FGF12: variants seen among roughly 807,000 people sequenced by gnomAD.
FGF12 encodes fibroblast growth factor 12B.
FGF12 carries 14 observed loss-of-function variants against 23.6 expected under a neutral mutation model. That is an observed-to-expected ratio of 0.59 (90% confidence interval 0.39 to 0.93). The LOEUF (loss-of-function observed/expected upper bound fraction) is 0.93, where lower values mean the gene tolerates loss of function less well. FGF12 is among the 40% of genes least tolerant of loss of function. FGF12 has a pLI of 0.00. For missense variants in FGF12, 175 were observed against 217.8 expected (o/e 0.80, Z 1.24); for synonymous variants, 62 against 77.3 (o/e 0.80, Z 1.04).
intron 2 of FGF12, among the ~76,000 whole-genome samples, chr3:192,388,485 T>G (rs896366048): frequency 6.6e-6 from 1 of 152,008 alleles, no homozygotes; most frequent in African/African-American, 2.4e-5. Context: ...GAAATATAAT[T>G]ATTTGCTAGA....
intron 2 of FGF12, among the ~76,000 whole-genome samples, chr3:192,465,076 A>C (rs2108810143): frequency 6.6e-6 from 1 of 152,336 alleles, no homozygotes; most frequent in Non-Finnish European, 1.5e-5. Context: ...TGGGTGTATA[A>C]TAATGTAAAT....
At chr3:192,540,344 T>C (rs1725335718) in intron 2 of FGF12, among the ~76,000 whole-genome samples, 1 of 152,068 alleles carries the variant, frequency 6.6e-6, no homozygotes, top group African/African-American at 2.4e-5. Context: ...GTGTCTCCAT[T>C]ATCATTTGTT....
intron 4 of FGF12, among the ~76,000 whole-genome samples, chr3:192,306,342 G>A (rs1413802269): frequency 2.6e-5 from 4 of 151,994 alleles, no homozygotes; most frequent in African/African-American, 4.8e-5. Context: ...ACATAAAAAC[G>A]TGCCTTAACC....
intron 4 of FGF12, among the ~76,000 whole-genome samples, chr3:192,202,483 G>GT (rs1378272763): frequency 6.6e-6 from 1 of 152,180 alleles, no homozygotes. Flanking sequence ...CAAAAACACT[G>GT]TTTTTTAATT....
At position 192,305,449 on chromosome 3, in the gene FGF12, T is replaced by C. The variant is rs1040873260; in HGVS notation, c.228+29912A>G. 1.4e-4 allele frequency among the ~76,000 whole-genome samples: 21 copies of C among 151,940 alleles called. No homozygotes were observed. In the South Asian group the frequency reaches 4.0e-3, roughly 29 times the overall value. On this transcript the variant is annotated intron_variant, in intron 4 of 5. Coordinates refer to ENST00000445105, the MANE Select transcript of FGF12 (RefSeq NM_004113.6). ...TTCTCTATATACCTCCCACTCCTTC[T>C]CTGCCTCCCAGCCAGATTCTACACG...
At chr3:192,610,430 T>C (rs772356387) in intron 2 of FGF12, among the ~76,000 whole-genome samples, 1 of 152,092 alleles carries the variant, frequency 6.6e-6, no homozygotes, top group Non-Finnish European at 1.5e-5. Context: ...AGTCTTGTTA[T>C]ATTGGTCCAC....
intron 2 of FGF12, among the ~76,000 whole-genome samples, chr3:192,589,274 G>T (rs1713524270): frequency 1.3e-5 from 2 of 150,598 alleles, no homozygotes; most frequent in South Asian, 4.3e-4. Context: ...GGCGAAGTTT[G>T]CAGGAAGCCG....
At chr3:192,701,887 C>A (rs1718309723) in intron 2 of FGF12, among the ~76,000 whole-genome samples, 1 of 152,112 alleles carries the variant, frequency 6.6e-6, no homozygotes, top group South Asian at 2.1e-4. Context: ...CACCTAAAAT[C>A]TGCTCTTAGC....
chr3:192,287,836 C>A (rs1317960850), intron 4 of FGF12, among the ~76,000 whole-genome samples: 1 of 151,348 alleles, frequency 6.6e-6, no homozygotes, highest in African/African-American at 2.4e-5. Flanking sequence ...ATCTTATTTT[C>A]AAAAAAAAGA....
intron 5 of FGF12, among the ~76,000 whole-genome samples, chr3:192,164,848 A>G (rs191542198): frequency 1.3e-5 from 2 of 152,332 alleles, no homozygotes; most frequent in Non-Finnish European, 2.9e-5. Context: ...CAAGTTAGCT[A>G]ATCTCTTATG....
intron 2 of FGF12, among the ~76,000 whole-genome samples, chr3:192,630,080 G>C (rs181458211): frequency 5.3e-5 from 8 of 152,082 alleles, no homozygotes; most frequent in Non-Finnish European, 1.2e-4. Context: ...TGCTGTCCTC[G>C]TGATAGTGAG....
intron 2 of FGF12, among the ~76,000 whole-genome samples, chr3:192,571,631 G>T (rs1712639802): frequency 6.6e-6 from 1 of 152,204 alleles, no homozygotes; most frequent in Non-Finnish European, 1.5e-5. Flanking sequence ...CTGTCAGACT[G>T]TGCTTTTGAA....
At chr3:192,393,094 T>G (rs2108763488) in intron 2 of FGF12, among the ~76,000 whole-genome samples, 2 of 152,332 alleles carry the variant, frequency 1.3e-5, no homozygotes, top group Middle Eastern at 3.4e-3. Flanking sequence ...ACTCTCCCTC[T>G]CCACCAGGAG....
chr3:192,456,206 C>T (rs190559452), intron 2 of FGF12, among the ~76,000 whole-genome samples: 48 of 151,896 alleles, frequency 3.2e-4, no homozygotes, highest in East Asian at 2.9e-3. Flanking sequence ...CTCTAAAATT[C>T]GAAATGTATT....
At chr3:192,497,142 GCCCTCTGCCGCCTCCA>G (rs1560129328) in intron 2 of FGF12, among the ~76,000 whole-genome samples, 1 of 151,776 alleles carries the variant, frequency 6.6e-6, no homozygotes, top group Non-Finnish European at 1.5e-5. Flanking sequence ...TTATTCCTCC[GCCCTCTGCCGCCTCCA>G]CCCCACAACA....
chr3:192,187,950 G>A (rs1476989722), intron 4 of FGF12, among the ~76,000 whole-genome samples: 1 of 152,110 alleles, frequency 6.6e-6, no homozygotes, highest in Non-Finnish European at 1.5e-5. Context: ...CTATGTATTA[G>A]GAAATGAGAA....
intron 2 of FGF12, among the ~76,000 whole-genome samples, chr3:192,712,895 G>A (rs1411355509): frequency 4.6e-5 from 7 of 152,054 alleles, no homozygotes; most frequent in Non-Finnish European, 7.4e-5. Context: ...CAGAAAAAGG[G>A]TGCACATAGC....
chr3:192,509,193 T>C (rs917501532), intron 2 of FGF12, among the ~76,000 whole-genome samples: 1 of 152,178 alleles, frequency 6.6e-6, no homozygotes, highest in Non-Finnish European at 1.5e-5. Context: ...ATTGGCATGG[T>C]GCAAGTATCC....
chr3:192,428,265 G>A (rs1721752435), intron 2 of FGF12, among the ~76,000 whole-genome samples: 1 of 152,164 alleles, frequency 6.6e-6, no homozygotes, highest in South Asian at 2.1e-4. Flanking sequence ...TTCCTAGAAG[G>A]CAGGGAGTCT....
Sources: allele counts gnomAD v4.1 joint callset (sites outside exome capture counted in the v4.1 genomes callset), GRCh38; gene constraint gnomAD v4.1.1; transcripts MANE v1.5; gene names NCBI Gene and HGNC (gene_info 2026-07-23, HGNC 2026-07-21).